The following TLK1 variants were observed in gnomAD, a reference collection of about 807,000 sequenced individuals.
TLK1 encodes the protein serine/threonine-protein kinase tousled-like 1.
Under a neutral mutation model 105.3 loss-of-function variants are expected in TLK1, and 24 were observed. The observed-to-expected ratio is 0.23, with a 90% CI of 0.17 to 0.32. TLK1 has a LOEUF of 0.32. Among genes scored for constraint, TLK1 ranks in the 10% least tolerant of loss-of-function variants. The pLI, the probability that TLK1 is intolerant of heterozygous loss-of-function variation, is 1.00. For synonymous variants in TLK1, 321 were observed against 310.4 expected, an observed-to-expected ratio of 1.03 and a Z score of -0.36; for missense variants, 558 against 910.5, an observed-to-expected ratio of 0.61 and a Z score of 4.98.
Position 170,990,981 on chromosome 2 carries a change from TAGA to T in TLK1, c.*2796_*2798del, listed in dbSNP as rs1444637803. The stretch of plus-strand genomic sequence containing the variant: ...GCCATTTAAACTGACAGAGTTGTTT[TAGA>T]AGGAGATGGTAGTGAGTGTTTAAAA... On this transcript the variant is annotated 3_prime_UTR_variant, in exon 21 of 21. Transcript: ENST00000431350. 2.6e-5 allele frequency: 4 copies of T among 151,664 alleles called. No individual in the cohort carries two copies. Among genetic ancestry groups the T allele is most frequent in the Admixed American group, 1.3e-4 (2 of 15,206 alleles). The allele number at this position is 151,664 out of a possible 1,614,324, so 9.4% of individuals were successfully genotyped here.
At chr2:171,196,170 G>A (rs1407805304) in intron 1 of TLK1, among the ~76,000 whole-genome samples, 2 of 150,976 alleles carry the variant, frequency 1.3e-5, no homozygotes, top group Non-Finnish European at 2.9e-5. Flanking sequence ...AGGCTGGAGT[G>A]CAGTGGTATG....
intron 2 of TLK1, among the ~76,000 whole-genome samples, chr2:171,091,964 C>G (rs1177365645): frequency 6.6e-6 from 1 of 152,120 alleles, no homozygotes; most frequent in South Asian, 2.1e-4. Context: ...AATCTCCTGA[C>G]CTCGTGATCC....
At chr2:171,165,709 G>A (rs759723745), upstream of TLK1, among the ~76,000 whole-genome samples, 28 of 152,104 alleles carry the variant, frequency 1.8e-4, no homozygotes, top group South Asian at 4.1e-4. Flanking sequence ...TCAGGAGTTC[G>A]AGACCAGCCT....
chr2:171,136,812 C>T (rs1691345993), intron 1 of TLK1, among the ~76,000 whole-genome samples: 1 of 152,164 alleles, frequency 6.6e-6, no homozygotes. Context: ...AGGAAAGTTA[C>T]TCTATACAAG....
chr2:171,003,591 T>G (rs980836127), intron 18 of TLK1, among the ~76,000 whole-genome samples: 3 of 152,246 alleles, frequency 2.0e-5, no homozygotes, highest in Non-Finnish European at 4.4e-5. Context: ...GATTACTTTT[T>G]ACTGCGATAG....
rs1047335361 is a variant in TLK1 at position 171,214,297 on chromosome 2, G to A, written c.-6+16848C>T. On this transcript the variant is annotated intron_variant, in intron 1 of 20. Transcript: ENST00000521943. ...TATCCATACGGCTTGGGTGAGTCAC[G>A]TAACCCTTCTGCACCTCAGCTTCTT... Among the ~76,000 whole-genome samples the A allele has an allele frequency of 3.0e-4, 45 of 152,120 alleles. 1 individual carries two copies. The highest frequency in any genetic ancestry group is 1.2e-4 in the Non-Finnish European group (8 of 68,014).
chr2:171,095,662 A>G (rs71415236), intron 2 of TLK1, among the ~76,000 whole-genome samples: 2,094 of 152,294 alleles, frequency 0.014, 27 homozygotes, highest in Non-Finnish European at 0.021. Flanking sequence ...TATTCCTGAA[A>G]TGCAAGGGTG....
At chr2:171,024,173 G>A (rs1685666899) in intron 12 of TLK1, among the ~76,000 whole-genome samples, 1 of 152,006 alleles carries the variant, frequency 6.6e-6, no homozygotes, top group Non-Finnish European at 1.5e-5. Flanking sequence ...ATAGTTTCAG[G>A]AATAATTTGT....
At chr2:171,139,328 T>C (rs1267669983) in intron 1 of TLK1, among the ~76,000 whole-genome samples, 1 of 152,216 alleles carries the variant, frequency 6.6e-6, no homozygotes, top group African/African-American at 2.4e-5. Context: ...CTGGGCATGG[T>C]GGCTCACGCC....
intron 2 of TLK1, among the ~76,000 whole-genome samples, chr2:171,100,585 C>G (rs55987132): frequency 0.22 from 33,139 of 151,958 alleles, 4,072 homozygotes; most frequent in Non-Finnish European, 0.28. Flanking sequence ...CTAAATAAGC[C>G]TCTTTCTTTA....
intron 11 of TLK1, chr2:171,045,897 T>C (rs1393945717): frequency 3.2e-6 from 1 of 312,992 alleles, no homozygotes; most frequent in Non-Finnish European, 5.8e-6. Context: ...AAACTTTTAA[T>C]TGATTCCTAA....
At chr2:171,039,448 G>C (rs1018112710) in intron 11 of TLK1, among the ~76,000 whole-genome samples, 2 of 151,958 alleles carry the variant, frequency 1.3e-5, no homozygotes, top group Non-Finnish European at 2.9e-5. Context: ...AGTAGAGATG[G>C]GTTTTTGCCA....
intron 1 of TLK1, chr2:171,159,951 G>A (rs961400154): frequency 4.3e-6 from 1 of 230,568 alleles, no homozygotes; most frequent in Non-Finnish European, 8.3e-6. Context: ...TGAGTGTACT[G>A]GCAAATGGAG....
chr2:171,189,833 T>C (rs1016371477), intron 1 of TLK1, among the ~76,000 whole-genome samples: 7 of 152,154 alleles, frequency 4.6e-5, no homozygotes, highest in Non-Finnish European at 7.4e-5. Flanking sequence ...TCCAGCATTG[T>C]ATTTGAATTC....
At chr2:171,041,398 A>G (rs945137166) in intron 11 of TLK1, among the ~76,000 whole-genome samples, 1 of 152,198 alleles carries the variant, frequency 6.6e-6, no homozygotes, top group Non-Finnish European at 1.5e-5. Flanking sequence ...TACAGAACCT[A>G]AAGTCCTACC....
intron 4 of TLK1, among the ~76,000 whole-genome samples, chr2:171,058,834 T>C (rs1166998800): frequency 6.6e-6 from 1 of 152,188 alleles, no homozygotes; most frequent in Non-Finnish European, 1.5e-5. Flanking sequence ...TAACCATCCT[T>C]GACTGGAACT....
intron 2 of TLK1, chr2:171,091,573 C>T (rs1427634583): frequency 6.6e-6 from 1 of 152,188 alleles, no homozygotes; most frequent in African/African-American, 2.4e-5. Context: ...TAGAGAAATT[C>T]TAAGGAGGGT....
chr2:171,156,673 T>C (rs1692247699), intron 1 of TLK1, among the ~76,000 whole-genome samples: 2 of 152,244 alleles, frequency 1.3e-5, no homozygotes, highest in African/African-American at 4.8e-5. Flanking sequence ...CTCCTCCAGC[T>C]AGTGATTTCA....
rs544032143 is a variant in TLK1 at position 171,224,947 on chromosome 2, T to C, written c.-6+6198A>G. On this transcript the variant is annotated intron_variant, in intron 1 of 20. Coordinates refer to the TLK1 transcript ENST00000521943. ...TTTTTCAACAAGGGTTTCATGACAATTCAATGAGGAAAGAATAGTCTTTAA... is the reference window on the plus strand; with the variant it reads ...TTTTTCAACAAGGGTTTCATGACAACTCAATGAGGAAAGAATAGTCTTTAA... Among the ~76,000 whole-genome samples the C allele has an allele frequency of 2.6e-5, 4 of 152,292 alleles. No individual in the cohort carries two copies. The South Asian group carries it at 8.3e-4, about 32-fold the overall frequency.
Sources: gnomAD v4.1 joint callset for allele counts (sites outside exome capture counted in the v4.1 genomes callset) on GRCh38, gnomAD v4.1.1 for gene constraint, MANE v1.5 for transcripts, NCBI Gene and HGNC (gene_info 2026-07-23, HGNC 2026-07-21) for gene names.